Variants in AXDND1 observed in about 807,000 individuals in gnomAD.
AXDND1 encodes axonemal dynein light chain domain-containing protein 1.
A neutral mutation model predicts 137.5 loss-of-function variants in AXDND1; 110 were observed. The ratio of observed to expected loss-of-function variants is 0.80; its 90% CI spans 0.69 to 0.94. The LOEUF (loss-of-function observed/expected upper bound fraction) is 0.94. AXDND1 is among the 40% of genes least tolerant of loss of function. The pLI is 0.00. For synonymous variants in AXDND1, 414 were observed against 399.7 expected (o/e 1.04, Z -0.43); for missense variants, 1,191 against 1,169.8 (o/e 1.02, Z -0.26).
chr1:179,419,482 C>T (rs1293128045), intron 12 of AXDND1, among the ~76,000 whole-genome samples: 10 of 148,420 alleles, frequency 6.7e-5, no homozygotes, highest in Non-Finnish European at 1.5e-4. Flanking sequence ...GGCGTGGCGG[C>T]GTGCGCCTGC....
rs1324040909 is a variant in AXDND1 at position 179,468,605 on chromosome 1, G to A, written c.1961G>A (p.Gly654Asp). Reference protein sequence around the residue: ...SHLDILLNLTGIVPQHIDVDS... With the variant: ...SHLDILLNLTDIVPQHIDVDS... ...TTGGATATATTGTTAAACCTTACTG[G>A]TATTGTTCCACAGCACATAGATGTG... is the stretch of plus-strand genomic sequence containing the variant. Residue 654 changes from glycine to aspartate, a missense_variant, in exon 17 of 26, where the codon GGT becomes GAT. By Grantham distance (94) the Gly-to-Asp change is moderately conservative (BLOSUM62 -1). Transcript: ENST00000367618. 13 of 1,611,894 alleles carry A rather than the reference G, an allele frequency of 8.1e-6. No individual in the cohort carries two copies. Among genetic ancestry groups the A allele is most frequent in the Middle Eastern group, 1.8e-4 (1 of 5,592 alleles).
At position 179,432,256 on chromosome 1, in the gene AXDND1, C is replaced by A. The variant is rs758641943; in HGVS notation, c.1488-11C>A. Reference sequence around the variant, plus strand: ...CTGAGATGTTTCTCTTTTTTTTTTTCTTCTTTTCAGTGAAAAAGACATTTT... The same window carrying A: ...CTGAGATGTTTCTCTTTTTTTTTTTATTCTTTTCAGTGAAAAAGACATTTT... On this transcript the variant is annotated splice_polypyrimidine_tract_variant and intron_variant, in intron 14 of 25. Transcript: ENST00000367618. 5 of 1,459,162 alleles carry A rather than the reference C, an allele frequency of 3.4e-6. No homozygotes were observed. Among genetic ancestry groups the A allele is most frequent in the Middle Eastern group, 1.9e-4 (1 of 5,280 alleles). 90.4% of individuals were successfully genotyped at this position (1,459,162 alleles called of 1,614,324 possible).
In AXDND1 at chr1:179,392,323, A is replaced by G. The variant is rs182726754; in HGVS notation, c.864-1580A>G. 4.0e-3 allele frequency among the ~76,000 whole-genome samples: 613 copies of G among 152,324 alleles called. 2 individuals are homozygous for G. Among genetic ancestry groups the G allele is most frequent in the South Asian group, 0.012 (56 of 4,832 alleles). Reference sequence around the variant, plus strand: ...CATTATTTCATTTCATCTTATAGCTAAGTAGTATTCCATAGTGTGTATATA... The same window carrying G: ...CATTATTTCATTTCATCTTATAGCTGAGTAGTATTCCATAGTGTGTATATA... On this transcript the variant is annotated intron_variant, in intron 9 of 25. Coordinates refer to ENST00000367618, the MANE Select transcript of AXDND1 (RefSeq NM_144696.6).
Position 179,385,318 on chromosome 1 carries a change from T to C in AXDND1, c.822T>C (p.Ser274=), listed in dbSNP as rs1649026657. Residue 274 remains serine (S), a synonymous_variant, in exon 9 of 26, where the codon AGT becomes AGC. Coordinates refer to ENST00000367618, the MANE Select transcript of AXDND1 (RefSeq NM_144696.6). ...TTCATGAACTTATTCGACAAGTCAG[T>C]GTGGACTGTGCAGACAGAGGAGAAC... ...MIFHELIRQV[S]VDCADRGELL... is the part of the protein sequence containing the mutation. 1 of 1,614,028 alleles carries C rather than the reference T, an allele frequency of 6.2e-7. No homozygotes were observed. Among genetic ancestry groups the C allele is most frequent in the South Asian group, 1.1e-5 (1 of 91,086 alleles).
At chr1:179,533,902 A>G (rs751371172) in intron 24 of AXDND1, 25 bp downstream of exon 24, 3 of 1,595,076 alleles carry the variant, frequency 1.9e-6, no homozygotes, top group Admixed American at 1.7e-5. Flanking sequence ...ACACAATGGT[A>G]AGAGGATGAA....
At chr1:179,498,874 G>A (rs1172342558) in intron 20 of AXDND1, among the ~76,000 whole-genome samples, 4 of 151,792 alleles carry the variant, frequency 2.6e-5, no homozygotes, top group Non-Finnish European at 1.5e-5. Context: ...AAACCACAAT[G>A]AGATACCATC....
At chr1:179,466,339 T>C (rs1315963943) in intron 16 of AXDND1, among the ~76,000 whole-genome samples, 1 of 148,612 alleles carries the variant, frequency 6.7e-6, no homozygotes, top group Non-Finnish European at 1.5e-5. Context: ...AGGCTGCTCT[T>C]GGTCTTGAAC....
At chr1:179,440,384 G>A (rs1302702552) in intron 15 of AXDND1, among the ~76,000 whole-genome samples, 2 of 152,358 alleles carry the variant, frequency 1.3e-5, no homozygotes, top group Admixed American at 1.3e-4. Context: ...CAGCATATGA[G>A]AATAAGTGTC....
intron 9 of AXDND1, among the ~76,000 whole-genome samples, chr1:179,390,816 A>AT (rs894079974): frequency 1.3e-5 from 2 of 149,206 alleles, no homozygotes; most frequent in Non-Finnish European, 3.0e-5. Flanking sequence ...TTATTTATTT[A>AT]TTTTTTTGAG....
chr1:179,546,590 G>A (rs925564466), intron 25 of AXDND1, among the ~76,000 whole-genome samples: 2 of 152,112 alleles, frequency 1.3e-5, no homozygotes, highest in Non-Finnish European at 2.9e-5. Context: ...TGTCCAGACC[G>A]AGCCATGCTG....
intron 15 of AXDND1, among the ~76,000 whole-genome samples, chr1:179,439,963 T>C (rs1046234131): frequency 3.9e-5 from 6 of 152,276 alleles, no homozygotes; most frequent in Admixed American, 2.0e-4. Context: ...GTCCTTCTTC[T>C]GCAGATATCC....
At chr1:179,504,428 A>G (rs6668120) in intron 20 of AXDND1, among the ~76,000 whole-genome samples, 47,017 of 152,070 alleles carry the variant, frequency 0.31, 7,804 homozygotes, top group Middle Eastern at 0.42. Flanking sequence ...CTTAGTCCTC[A>G]TTTACCTAAA....
intron 22 of AXDND1, 54 bp from the exon 23 acceptor site, chr1:179,528,273 T>C (rs771924476): frequency 2.3e-6 from 3 of 1,319,734 alleles, no homozygotes; most frequent in Non-Finnish European, 3.3e-6. Flanking sequence ...GCCAGGAAAC[T>C]TGCTGGGGTG....
chr1:179,551,748 A>G, intron 25 of AXDND1: 1 of 396,550 alleles, frequency 2.5e-6, no homozygotes, highest in Non-Finnish European at 4.6e-6. Flanking sequence ...ACATAGAGAA[A>G]AGATTAGCCA....
At chr1:179,490,237 A>G (rs977402170) in intron 18 of AXDND1, among the ~76,000 whole-genome samples, 1 of 152,182 alleles carries the variant, frequency 6.6e-6, no homozygotes, top group African/African-American at 2.4e-5. Context: ...TGGGAAAGGG[A>G]GCAAATTAGA....
intron 19 of AXDND1, among the ~76,000 whole-genome samples, chr1:179,492,458 C>T (rs1392573668): frequency 6.7e-6 from 1 of 149,118 alleles, no homozygotes; most frequent in Non-Finnish European, 1.5e-5. Context: ...AACAACAACC[C>T]ACAAACCCTT....
chr1:179,469,851 T>C (rs1663701182), intron 17 of AXDND1, among the ~76,000 whole-genome samples: 1 of 152,160 alleles, frequency 6.6e-6, no homozygotes, highest in Non-Finnish European at 1.5e-5. Flanking sequence ...TTCTGTGCTG[T>C]TGTTGTTGTT....
At chr1:179,448,890 ATT>A (rs34365013) in intron 16 of AXDND1, 44,822 of 156,232 alleles carry the variant, frequency 0.29, 6,325 homozygotes, top group Non-Finnish European at 0.31. Context: ...TTTTGAGTTA[ATT>A]TTTTTTTTTT....
chr1:179,371,665 T>A (rs1319844278), intron 4 of AXDND1, among the ~76,000 whole-genome samples: 1 of 152,134 alleles, frequency 6.6e-6, no homozygotes, highest in African/African-American at 2.4e-5. Context: ...GGGCCCAGCC[T>A]AATCACCTGA....
Sources: gnomAD v4.1 joint callset for allele counts (sites outside exome capture counted in the v4.1 genomes callset) on GRCh38, gnomAD v4.1.1 for gene constraint, MANE v1.5 for transcripts, NCBI Gene and HGNC (gene_info 2026-07-23, HGNC 2026-07-21) for gene names.